The following BBOX1 variants were observed in gnomAD, a reference collection of about 807,000 sequenced individuals.
BBOX1 encodes gamma-butyrobetaine hydroxylase 1, also known as gamma-butyrobetaine dioxygenase.
A neutral mutation model predicts 41.6 loss-of-function variants in BBOX1; 35 were observed. The observed-to-expected ratio is 0.84, with a 90% CI of 0.64 to 1.11. The LOEUF (loss-of-function observed/expected upper bound fraction) is 1.11, where lower values mean the gene tolerates loss of function less well. Among genes scored for constraint, BBOX1 ranks in the 50% most tolerant of loss-of-function variants. The probability of loss-of-function intolerance (pLI) is 0.00; values close to 1 mark genes in which losing one functional copy is unlikely to be tolerated. For synonymous variants in BBOX1, 163 were observed against 154.7 expected (o/e 1.05, Z -0.40); for missense variants, 458 against 460.6 (o/e 0.99, Z 0.05).
chr11:27,061,825 C>T (rs1293238963), intron 4 of BBOX1, among the ~76,000 whole-genome samples: 1 of 152,176 alleles, frequency 6.6e-6, no homozygotes, highest in African/African-American at 2.4e-5. Context: ...ATTATCACTC[C>T]CTCATAAATT....
chr11:27,116,091 A>G (rs928206856), intron 6 of BBOX1, among the ~76,000 whole-genome samples: 1 of 152,060 alleles, frequency 6.6e-6, no homozygotes, highest in African/African-American at 2.4e-5. Context: ...TCAATGACAG[A>G]CTGGATAAAG....
chr11:27,050,446 G>A (rs1851636262), intron 2 of BBOX1, among the ~76,000 whole-genome samples: 1 of 151,972 alleles, frequency 6.6e-6, no homozygotes, highest in Non-Finnish European at 1.5e-5. Context: ...TTGGTAGTAT[G>A]GATATTTTAC....
intron 7 of BBOX1, among the ~76,000 whole-genome samples, chr11:27,123,476 C>A (rs1564993284): frequency 6.6e-6 from 1 of 151,624 alleles, no homozygotes; most frequent in African/African-American, 2.4e-5. Context: ...AACAGACGAC[C>A]CCCCCAGAAG....
intron 2 of BBOX1, among the ~76,000 whole-genome samples, chr11:27,052,314 A>C (rs1851696181): frequency 6.6e-6 from 1 of 152,072 alleles, no homozygotes; most frequent in Non-Finnish European, 1.5e-5. Context: ...CTTTTAGACT[A>C]CATTTTTACA....
At chr11:27,111,965 A>T (rs1564986317) in intron 5 of BBOX1, among the ~76,000 whole-genome samples, 1 of 151,994 alleles carries the variant, frequency 6.6e-6, no homozygotes, top group Non-Finnish European at 1.5e-5. Context: ...ACAAACATCA[A>T]AAAAGAAAGA....
Position 27,115,537 on chromosome 11 carries a change from G to C in BBOX1, c.619G>C (p.Ala207Pro), listed in dbSNP as rs1287834056. 2 of 1,610,030 alleles carry C rather than the reference G, an allele frequency of 1.2e-6. No homozygotes were observed. The highest frequency in any genetic ancestry group is 1.7e-6 in the Non-Finnish European group (2 of 1,177,684). The change falls in exon 6 of 9, where the codon GCC (alanine) becomes CCC (proline). Residue 207 changes from alanine to proline, a missense_variant. Coordinates refer to ENST00000263182, the MANE Select transcript of BBOX1 (RefSeq NM_003986.3). The stretch of plus-strand genomic sequence containing the variant: ...GCTAAGCTTTCACACTGATTATCCA[G>C]CCCTCCATCATCCACCTGGGGTAAG... The part of the protein sequence containing the change: ...GKLSFHTDYP[A>P]LHHPPGVQLL...
intron 4 of BBOX1, among the ~76,000 whole-genome samples, chr11:27,062,556 GCTTT>G (rs1373044776): frequency 6.6e-6 from 1 of 150,646 alleles, no homozygotes; most frequent in East Asian, 1.9e-4. Flanking sequence ...TGTCTCCTAG[GCTTT>G]CTTTTTCTTT....
At chr11:27,053,389 T>C (rs1856875314) in intron 2 of BBOX1, among the ~76,000 whole-genome samples, 1 of 152,224 alleles carries the variant, frequency 6.6e-6, no homozygotes, top group Admixed American at 6.5e-5. Context: ...ATTGTTTTTG[T>C]GCACACCATG....
chr11:27,074,448 T>C (rs1857569420), intron 4 of BBOX1, among the ~76,000 whole-genome samples: 1 of 152,062 alleles, frequency 6.6e-6, no homozygotes, highest in Non-Finnish European at 1.5e-5. Context: ...TTGAATGGTT[T>C]TAACCAAAAT....
At chr11:27,053,419 A>G (rs760263036) in intron 2 of BBOX1, among the ~76,000 whole-genome samples, 4 of 152,234 alleles carry the variant, frequency 2.6e-5, no homozygotes, top group Admixed American at 6.5e-5. Flanking sequence ...TAGTTGATAC[A>G]TTCTTATAGG....
At chr11:27,044,324 A>C (rs2133939770) in intron 2 of BBOX1, among the ~76,000 whole-genome samples, 1 of 152,168 alleles carries the variant, frequency 6.6e-6, no homozygotes, top group East Asian at 1.9e-4. Flanking sequence ...TTCTTTGTAG[A>C]TTCTGGATAT....
chr11:27,066,862 C>A (rs1389847834), intron 4 of BBOX1, among the ~76,000 whole-genome samples: 7 of 151,950 alleles, frequency 4.6e-5, no homozygotes, highest in Admixed American at 4.6e-4. Flanking sequence ...AAATCATCTC[C>A]TTTTTCTTTC....
chr11:27,099,262 T>G (rs1336096361), intron 5 of BBOX1, among the ~76,000 whole-genome samples: 3 of 151,684 alleles, frequency 2.0e-5, no homozygotes, highest in Non-Finnish European at 2.9e-5. Context: ...TTCAGATTTG[T>G]TTTTTTTCTA....
intron 2 of BBOX1, chr11:27,047,366 T>A (rs117017935): frequency 1.3e-5 from 2 of 152,230 alleles, no homozygotes; most frequent in Admixed American, 6.5e-5. Context: ...AACAGCAGTC[T>A]GAAATGTAAT....
At chr11:27,107,675 A>G (rs1259396701) in intron 5 of BBOX1, among the ~76,000 whole-genome samples, 1 of 152,036 alleles carries the variant, frequency 6.6e-6, no homozygotes, top group Admixed American at 6.6e-5. Flanking sequence ...CCAAGGCCTC[A>G]CCACTAGGCT....
At chr11:27,070,953 C>G (rs1339301239) in intron 4 of BBOX1, among the ~76,000 whole-genome samples, 1 of 152,098 alleles carries the variant, frequency 6.6e-6, no homozygotes, top group Non-Finnish European at 1.5e-5. Flanking sequence ...AGCATTCTTG[C>G]AGGGCTTGTC....
intron 4 of BBOX1, among the ~76,000 whole-genome samples, chr11:27,070,706 A>ATTT (rs58041903): frequency 3.7e-5 from 5 of 133,726 alleles, no homozygotes; most frequent in African/African-American, 1.1e-4. Flanking sequence ...TTTGTGATTG[A>ATTT]TTTTTTTTTT....
intron 6 of BBOX1, among the ~76,000 whole-genome samples, chr11:27,118,163 T>C (rs895787284): frequency 2.0e-5 from 3 of 152,030 alleles, no homozygotes; most frequent in African/African-American, 7.2e-5. Context: ...AGAGACATCA[T>C]AGATACACTA....
intron 4 of BBOX1, among the ~76,000 whole-genome samples, chr11:27,083,756 A>G (rs1857935420): frequency 6.6e-6 from 1 of 152,114 alleles, no homozygotes; most frequent in Non-Finnish European, 1.5e-5. Flanking sequence ...TTCCCCAACA[A>G]GAGAAGTGAT....
Sources: gnomAD v4.1 joint callset for allele counts (sites outside exome capture counted in the v4.1 genomes callset) on GRCh38, gnomAD v4.1.1 for gene constraint, MANE v1.5 for transcripts, NCBI Gene and HGNC (gene_info 2026-07-23, HGNC 2026-07-21) for gene names.